RBMS3: variants seen among roughly 807,000 people sequenced by gnomAD.
RBMS3 encodes the protein RNA binding motif single stranded interacting protein 3, also known as RNA-binding motif, single-stranded-interacting protein 3.
In RBMS3, 27 loss-of-function variants were observed where a neutral mutation model predicts 66.8. The observed-to-expected ratio is 0.40, with a 90% CI of 0.30 to 0.56. The LOEUF (loss-of-function observed/expected upper bound fraction) is 0.56. Among genes scored for constraint, RBMS3 ranks in the 20% least tolerant of loss-of-function variants. The probability of loss-of-function intolerance (pLI) is 0.40; values close to 1 mark genes in which losing one functional copy is unlikely to be tolerated. For missense variants in RBMS3, 513 were observed against 549.5 expected (o/e 0.93, Z 0.66); for synonymous variants, 188 against 183.0 (o/e 1.03, Z -0.22).
At chr3:29,474,672 A>G (rs1356030108) in intron 2 of RBMS3, among the ~76,000 whole-genome samples, 4 of 152,244 alleles carry the variant, frequency 2.6e-5, no homozygotes, top group Non-Finnish European at 4.4e-5. Flanking sequence ...CGCTTACCAT[A>G]TAGTAGGGAC....
Position 29,528,874 on chromosome 3 carries a change from TG to T in RBMS3, c.307+40378del, listed in dbSNP as rs2045240855. Among the ~76,000 whole-genome samples, 4 of 152,194 alleles carry T rather than the reference TG, an allele frequency of 2.6e-5. No individual in the cohort carries two copies. The South Asian group carries it at 8.3e-4, about 32-fold the overall frequency. On this transcript the variant is annotated intron_variant, in intron 3 of 14. Transcript: ENST00000383767. ...TCAGCCTCCTGAGTAGCTGGGACTA[TG>T]GGTGTGTGTCACCACACCCAGCTAA...
At chr3:29,998,858 G>A (rs4588322) in intron 14 of RBMS3, among the ~76,000 whole-genome samples, 22,194 of 152,000 alleles carry the variant, frequency 0.15, 1,818 homozygotes, top group East Asian at 0.19. Flanking sequence ...ACATAGGCAT[G>A]GGCAAGGACT....
intron 4 of RBMS3, among the ~76,000 whole-genome samples, chr3:29,671,203 G>A (rs991525461): frequency 6.6e-5 from 10 of 152,174 alleles, no homozygotes; most frequent in African/African-American, 2.2e-4. Context: ...CTGTTAGAAG[G>A]AAAACTAACA....
intron 12 of RBMS3, among the ~76,000 whole-genome samples, chr3:29,948,474 C>T (rs1695469116): frequency 2.0e-5 from 3 of 151,734 alleles, no homozygotes; most frequent in Non-Finnish European, 2.9e-5. Flanking sequence ...ATTTTAGCTG[C>T]TTCAAAGAAC....
Position 29,417,050 on chromosome 3 carries a change from T to C in RBMS3, c.76-17693T>C, listed in dbSNP as rs1345943463. 5.3e-5 allele frequency among the ~76,000 whole-genome samples: 8 copies of C among 152,104 alleles called. No homozygotes were observed. In the South Asian group the frequency reaches 1.0e-3, roughly 20 times the overall value. ...TCTAGATAATTCTCCCTGGAGAAAATAGTATGAAATTACTCTCATATAAAG... is the reference window on the plus strand; with the variant it reads ...TCTAGATAATTCTCCCTGGAGAAAACAGTATGAAATTACTCTCATATAAAG... On this transcript the variant is annotated intron_variant, in intron 1 of 14. Coordinates refer to ENST00000383767, the MANE Select transcript of RBMS3 (RefSeq NM_001003793.3).
chr3:29,890,122 T>A (rs968569573), intron 8 of RBMS3, among the ~76,000 whole-genome samples: 1 of 151,726 alleles, frequency 6.6e-6, no homozygotes, highest in African/African-American at 2.4e-5. Context: ...TACTTCTTTA[T>A]AGAAATTATG....
chr3:29,418,872 G>T (rs2040587072), intron 1 of RBMS3, among the ~76,000 whole-genome samples: 3 of 152,020 alleles, frequency 2.0e-5, no homozygotes, highest in African/African-American at 7.3e-5. Context: ...TACTAAAGCA[G>T]TTTTCTCCCA....
In RBMS3 at chr3:29,900,547, C is replaced by T. The variant is rs528136906; in HGVS notation, c.939+792C>T. On this transcript the variant is annotated intron_variant, in intron 10 of 14. Coordinates refer to ENST00000383767, the MANE Select transcript of RBMS3 (RefSeq NM_001003793.3). Reference sequence around the variant, plus strand: ...CAGGGTTTCTAGCTCTATAGAAGTGCGAGATAGAGATTTCAATAGCAACAC... The same window carrying T: ...CAGGGTTTCTAGCTCTATAGAAGTGTGAGATAGAGATTTCAATAGCAACAC... Among the ~76,000 whole-genome samples the T allele has an allele frequency of 5.9e-5, 9 of 151,610 alleles. No homozygotes were observed. The East Asian group carries it at 7.8e-4, about 13-fold the overall frequency.
intron 10 of RBMS3, among the ~76,000 whole-genome samples, chr3:29,919,425 G>A (rs547534453): frequency 3.3e-5 from 5 of 152,260 alleles, no homozygotes; most frequent in South Asian, 2.1e-4. Flanking sequence ...GCAGCTGTTC[G>A]AGCTGTGGAA....
At chr3:29,483,150 T>A (rs868586954) in intron 2 of RBMS3, among the ~76,000 whole-genome samples, 7 of 140,344 alleles carry the variant, frequency 5.0e-5, no homozygotes, top group Admixed American at 2.2e-4. Context: ...CTAAAAAAAA[T>A]ACAAAAAAAT....
chr3:29,831,963 C>T (rs1457493703), intron 6 of RBMS3, among the ~76,000 whole-genome samples: 1 of 152,104 alleles, frequency 6.6e-6, no homozygotes, highest in Non-Finnish European at 1.5e-5. Context: ...GTGTGATCAT[C>T]ATAAGCTTAG....
chr3:29,482,832 T>C (rs1457716780), intron 2 of RBMS3, among the ~76,000 whole-genome samples: 2 of 148,940 alleles, frequency 1.3e-5, no homozygotes, highest in African/African-American at 4.9e-5. Flanking sequence ...CTCAGCCTCC[T>C]GAATAGCTGG....
intron 3 of RBMS3, among the ~76,000 whole-genome samples, chr3:29,565,756 T>C (rs1339445034): frequency 6.6e-6 from 1 of 152,164 alleles, no homozygotes; most frequent in East Asian, 1.9e-4. Flanking sequence ...AAAAGGTAGT[T>C]CTTTATGAAA....
chr3:29,307,429 C>T (rs2034086388), intron 1 of RBMS3, among the ~76,000 whole-genome samples: 1 of 151,932 alleles, frequency 6.6e-6, no homozygotes, highest in Admixed American at 6.6e-5. Context: ...AGCCCCTAAT[C>T]TCTCACCATG....
At chr3:29,647,056 C>T (rs1559534549) in intron 4 of RBMS3, among the ~76,000 whole-genome samples, 1 of 152,146 alleles carries the variant, frequency 6.6e-6, no homozygotes, top group Non-Finnish European at 1.5e-5. Context: ...TGGCTCACTG[C>T]AACCTCCACC....
At chr3:29,828,408 T>A (rs1035833158) in intron 6 of RBMS3, among the ~76,000 whole-genome samples, 1 of 152,174 alleles carries the variant, frequency 6.6e-6, no homozygotes, top group Non-Finnish European at 1.5e-5. Flanking sequence ...TCAGTTGATA[T>A]GCACATTTAC....
chr3:29,373,709 T>C (rs949336121), intron 1 of RBMS3, among the ~76,000 whole-genome samples: 4 of 152,240 alleles, frequency 2.6e-5, no homozygotes, highest in African/African-American at 4.8e-5. Flanking sequence ...TCTTGTCATT[T>C]AGAATGATGC....
chr3:29,791,802 A>T lies in RBMS3; in HGVS notation c.637+28813A>T, dbSNP rs534533942. ...AGATTTCCATCAACAAAGCAGTGACAATATCTGCCAAAGGATTTTGCATTT... is the reference window on the plus strand; with the variant it reads ...AGATTTCCATCAACAAAGCAGTGACTATATCTGCCAAAGGATTTTGCATTT... On this transcript the variant is annotated intron_variant, in intron 6 of 14. Transcript: ENST00000383767. 2.5e-3 allele frequency among the ~76,000 whole-genome samples: 380 copies of T among 152,340 alleles called. 3 individuals are homozygous for T. The highest frequency in any genetic ancestry group is 2.6e-3 in the Non-Finnish European group (178 of 68,018).
intron 4 of RBMS3, among the ~76,000 whole-genome samples, chr3:29,709,802 A>G (rs2053079549): frequency 6.6e-6 from 1 of 152,218 alleles, no homozygotes. Flanking sequence ...AAAAGTCTAT[A>G]TTTATATTTA....
Sources: gnomAD v4.1 joint callset for allele counts (sites outside exome capture counted in the v4.1 genomes callset) on GRCh38, gnomAD v4.1.1 for gene constraint, MANE v1.5 for transcripts, NCBI Gene and HGNC (gene_info 2026-07-23, HGNC 2026-07-21) for gene names.